RNF2: variants seen among roughly 807,000 people sequenced by gnomAD.
The protein encoded by RNF2 is ring finger protein 2.
In RNF2, 6 loss-of-function variants were observed where a neutral mutation model predicts 37.2. The observed-to-expected ratio is 0.16, with a 90% CI of 0.09 to 0.32. RNF2 has a LOEUF of 0.32. RNF2 is among the 10% of genes least tolerant of loss of function. The probability of loss-of-function intolerance (pLI) is 1.00; values close to 1 mark genes in which losing one functional copy is unlikely to be tolerated. For missense variants in RNF2, 251 were observed against 404.0 expected (o/e 0.62, Z 3.25); for synonymous variants, 133 against 132.7 (o/e 1.00, Z -0.02).
intron 1 of RNF2, among the ~76,000 whole-genome samples, chr1:185,080,043 G>A (rs1164791755): frequency 6.6e-6 from 1 of 152,156 alleles, no homozygotes; most frequent in Non-Finnish European, 1.5e-5. Context: ...TTAGGCTGTT[G>A]GGATCTAGGG....
chr1:185,068,466 C>CAGACTT (rs991887928), intron 1 of RNF2, among the ~76,000 whole-genome samples: 6 of 152,138 alleles, frequency 3.9e-5, no homozygotes, highest in African/African-American at 1.4e-4. Flanking sequence ...AGAGAAGGGG[C>CAGACTT]AGAGAGAGAT....
intron 1 of RNF2, among the ~76,000 whole-genome samples, chr1:185,056,458 A>G (rs927566026): frequency 4.6e-5 from 7 of 151,806 alleles, no homozygotes; most frequent in African/African-American, 1.5e-4. Context: ...TCCTGGGCTC[A>G]GGGGATCCTC....
In RNF2 at chr1:185,067,051, G is replaced by C. The variant is rs1189408822; in HGVS notation, c.-2-20501G>C. ...CAAAAACTTAAGACCGGATAATGGA[G>C]ATTTGGCAAATTACCTTTAAGTGCT... On this transcript the variant is annotated intron_variant, in intron 1 of 6. Transcript: ENST00000367510. Among the ~76,000 whole-genome samples the C allele has an allele frequency of 2.0e-5, 3 of 152,174 alleles. No individual in the cohort carries two copies. In the East Asian group the frequency reaches 5.8e-4, roughly 29 times the overall value.
At position 185,100,182 on chromosome 1, in the gene RNF2, CTT is replaced by C. The variant is rs60678736; in HGVS notation, c.910-16_910-15del. 2 of 1,544,530 alleles carry C rather than the reference CTT, an allele frequency of 1.3e-6. No homozygotes were observed. Among genetic ancestry groups the C allele is most frequent in the Admixed American group, 4.1e-5 (2 of 48,798 alleles). On this transcript the variant is annotated splice_polypyrimidine_tract_variant and intron_variant, in intron 6 of 6. Transcript: ENST00000367510. ...GTTTGTGCAGTTTTCATAATTTTTT[CTT>C]TCTTTTTTGTTTTAGGTATTAAATG...
intron 1 of RNF2, among the ~76,000 whole-genome samples, chr1:185,077,263 C>T (rs1651195019): frequency 6.6e-6 from 1 of 151,984 alleles, no homozygotes; most frequent in African/African-American, 2.4e-5. Flanking sequence ...TTGATCACTT[C>T]CTTTTCCCAT....
intron 1 of RNF2, among the ~76,000 whole-genome samples, chr1:185,079,323 C>CA (rs1188918623): frequency 2.0e-5 from 3 of 152,226 alleles, no homozygotes; most frequent in South Asian, 4.2e-4. Context: ...TAGCCTCTTG[C>CA]ACTGGACCCC....
intron 5 of RNF2, among the ~76,000 whole-genome samples, chr1:185,099,128 T>C (rs1327150530): frequency 6.6e-6 from 1 of 150,894 alleles, no homozygotes; most frequent in African/African-American, 2.4e-5. Flanking sequence ...CTTGGCTGAC[T>C]GCAACCTTTG....
At chr1:185,098,024 A>C in intron 4 of RNF2, 48 bp from the exon 5 acceptor site, 1 of 1,589,424 alleles carries the variant, frequency 6.3e-7, no homozygotes, top group Middle Eastern at 1.7e-4. Context: ...TTGTTGCTTT[A>C]AAGGCCTAAA....
chr1:185,084,224 A>G (rs1460540900), intron 1 of RNF2, among the ~76,000 whole-genome samples: 1 of 151,322 alleles, frequency 6.6e-6, no homozygotes, highest in Non-Finnish European at 1.5e-5. Flanking sequence ...TAAGTCTTCT[A>G]GCTATCTGTT....
At chr1:185,075,519 A>G (rs926276375) in intron 1 of RNF2, among the ~76,000 whole-genome samples, 3 of 152,172 alleles carry the variant, frequency 2.0e-5, no homozygotes, top group African/African-American at 7.2e-5. Context: ...CTGAGACCGG[A>G]TAATTTATAG....
At chr1:185,056,390 C>T in intron 1 of RNF2, among the ~76,000 whole-genome samples, 1 of 151,308 alleles carries the variant, frequency 6.6e-6, no homozygotes, top group African/African-American at 2.4e-5. Flanking sequence ...ACAGGGCCTC[C>T]CTCTGCTGTG....
chr1:185,069,866 A>G (rs563348494), intron 1 of RNF2, among the ~76,000 whole-genome samples: 10 of 152,352 alleles, frequency 6.6e-5, no homozygotes, highest in Admixed American at 2.6e-4. Context: ...GTTGACAACT[A>G]ATAAAGAAAT....
intron 1 of RNF2, among the ~76,000 whole-genome samples, chr1:185,054,622 C>T (rs1248160295): frequency 6.6e-6 from 1 of 152,178 alleles, no homozygotes; most frequent in African/African-American, 2.4e-5. Context: ...GGCCTGAATT[C>T]CTAAATAATT....
At chr1:185,058,285 G>A (rs558640076) in intron 1 of RNF2, among the ~76,000 whole-genome samples, 7 of 152,296 alleles carry the variant, frequency 4.6e-5, no homozygotes, top group Middle Eastern at 3.4e-3. Flanking sequence ...TTTATGTAAG[G>A]GATTTGAATA....
At chr1:185,086,807 C>T (rs562040963) in intron 1 of RNF2, among the ~76,000 whole-genome samples, 34 of 152,230 alleles carry the variant, frequency 2.2e-4, no homozygotes, top group African/African-American at 7.9e-4. Flanking sequence ...GATTTTTTAA[C>T]TTGGACAGCA....
chr1:185,086,771 C>T (rs113190581), intron 1 of RNF2, among the ~76,000 whole-genome samples: 2 of 152,146 alleles, frequency 1.3e-5, no homozygotes, highest in African/African-American at 4.8e-5. Flanking sequence ...GGCAGAATGA[C>T]TAGTGGTTTA....
At chr1:185,059,684 C>T (rs1233224015) in intron 1 of RNF2, among the ~76,000 whole-genome samples, 1 of 152,100 alleles carries the variant, frequency 6.6e-6, no homozygotes, top group East Asian at 1.9e-4. Context: ...TCACTCAGAC[C>T]TGGGTTTGAG....
chr1:185,062,848 G>A (rs1334036076), intron 1 of RNF2, among the ~76,000 whole-genome samples: 1 of 149,354 alleles, frequency 6.7e-6, no homozygotes, highest in Non-Finnish European at 1.5e-5. Context: ...GCTGTGAAAA[G>A]ATACTGTTTC....
chr1:185,096,688 C>T (rs1331413314), intron 4 of RNF2, among the ~76,000 whole-genome samples: 1 of 151,972 alleles, frequency 6.6e-6, no homozygotes, highest in Non-Finnish European at 1.5e-5. Context: ...CATGTCTATT[C>T]ATGTTGTATG....
Sources: gnomAD v4.1 joint callset for allele counts (sites outside exome capture counted in the v4.1 genomes callset) on GRCh38, gnomAD v4.1.1 for gene constraint, MANE v1.5 for transcripts, NCBI Gene and HGNC (gene_info 2026-07-23, HGNC 2026-07-21) for gene names.